Variants in IRS1 observed in about 807,000 individuals in gnomAD.
IRS1 encodes the protein insulin receptor substrate 1.
Under a neutral mutation model 65.6 loss-of-function variants are expected in IRS1, and 34 were observed. The ratio of observed to expected loss-of-function variants is 0.52; its 90% CI spans 0.39 to 0.69. The LOEUF is 0.69. IRS1 is among the 30% of genes least tolerant of loss of function. IRS1 has a pLI of 0.00. For synonymous variants in IRS1, 699 were observed against 683.5 expected (o/e 1.02, Z -0.35); for missense variants, 1,641 against 1,720.2 (o/e 0.95, Z 0.81).
At chr2:226,759,377 G>A (rs1320852896) in intron 1 of IRS1, among the ~76,000 whole-genome samples, 8 of 152,172 alleles carry the variant, frequency 5.3e-5, no homozygotes, top group Admixed American at 5.2e-4. Flanking sequence ...GGTCAAATAA[G>A]CTCTGGGTTC....
intron 1 of IRS1, among the ~76,000 whole-genome samples, chr2:226,768,584 C>T (rs1313545150): frequency 1.3e-5 from 2 of 152,104 alleles, no homozygotes; most frequent in Non-Finnish European, 2.9e-5. Context: ...CTTAGTAAAC[C>T]ACCCTGAACT....
At position 226,799,685 on chromosome 2, in the gene IRS1, A is replaced by T; in HGVS notation, c.-947T>A. The T allele has an allele frequency of 1.0e-6, 1 of 1,000,188 alleles. No homozygotes were observed. The highest frequency in any genetic ancestry group is 4.7e-5 in the South Asian group (1 of 21,374). 62.0% of individuals were successfully genotyped at this position (1,000,188 alleles called of 1,614,324 possible). A position where few individuals can be genotyped will look rare whatever the true frequency, so the allele number is the denominator to read the frequency against. On this transcript the variant is annotated 5_prime_UTR_variant, in exon 1 of 2. Transcript: ENST00000305123. This position sits in a 1 kb window ranked among gnomAD's most constrained non-coding sequence, Gnocchi z 6.1. ...TCCCTCCTCCTCCTCCTCCTCGGAGAGTTGCCGAGAGCCCCAACCAAAACA... is the reference window on the plus strand; with the variant it reads ...TCCCTCCTCCTCCTCCTCCTCGGAGTGTTGCCGAGAGCCCCAACCAAAACA...
chr2:226,746,174 G>A (rs1938539667), intron 1 of IRS1, among the ~76,000 whole-genome samples: 1 of 151,936 alleles, frequency 6.6e-6, no homozygotes, highest in South Asian at 2.1e-4. Flanking sequence ...GTCTGCTAAT[G>A]AAAGACTTCT....
chr2:226,779,695 C>A (rs111771238), intron 1 of IRS1, among the ~76,000 whole-genome samples: 3 of 152,184 alleles, frequency 2.0e-5, no homozygotes, highest in African/African-American at 7.2e-5. Context: ...TATAAAAGTT[C>A]TTGGATCCTA....
chr2:226,744,037 A>C (rs1938492124), intron 1 of IRS1, among the ~76,000 whole-genome samples: 1 of 152,154 alleles, frequency 6.6e-6, no homozygotes, highest in Non-Finnish European at 1.5e-5. Flanking sequence ...CTGTCTGACT[A>C]CCCAATTGTT....
At chr2:226,792,087 A>G (rs1939624001) in intron 1 of IRS1, 1 of 152,274 alleles carries the variant, frequency 6.6e-6, no homozygotes, top group African/African-American at 2.4e-5. Flanking sequence ...TGACATCACA[A>G]AAAAGGAAAC....
At chr2:226,766,433 G>C (rs1470412738) in intron 1 of IRS1, among the ~76,000 whole-genome samples, 1 of 151,322 alleles carries the variant, frequency 6.6e-6, no homozygotes, top group Non-Finnish European at 1.5e-5. Flanking sequence ...CAAAGTGCTG[G>C]GATGACAGCG....
In IRS1 at chr2:226,798,607, G is replaced by A. The variant is rs61734194; in HGVS notation, c.132C>T (p.Leu44=). 2,029 of 1,613,254 alleles carry A rather than the reference G, an allele frequency of 1.3e-3. 19 individuals carry two copies. In the African/African-American group the frequency reaches 0.018, roughly 15 times the overall value. ...ACTTCTTCTCGTTCTCGTAGTACTC[G>A]AGGCGCGCCGGGCCCCCAGCCTCGC... is the stretch of plus-strand genomic sequence containing the variant. The part of the protein sequence containing the change: ...AASEAGGPAR[L]EYYENEKKWR... The change falls in exon 1 of 2, where the codon CTC becomes CTT. Residue 44 remains leucine (L), a synonymous_variant. Transcript: ENST00000305123. The surrounding 1 kb of genome is among the most constrained non-coding windows in gnomAD (Gnocchi z 9.4).
intron 1 of IRS1, among the ~76,000 whole-genome samples, chr2:226,783,252 C>T (rs1230065271): frequency 6.6e-6 from 1 of 152,168 alleles, no homozygotes; most frequent in Non-Finnish European, 1.5e-5. Flanking sequence ...CTGCACTTGG[C>T]CCACAAAGCA....
At chr2:226,750,019 G>T (rs1314833875) in intron 1 of IRS1, among the ~76,000 whole-genome samples, 1 of 152,146 alleles carries the variant, frequency 6.6e-6, no homozygotes, top group East Asian at 1.9e-4. Context: ...GGAGGCCGAG[G>T]CGGGTGGATC....
At chr2:226,783,714 G>A (rs1224841448) in intron 1 of IRS1, among the ~76,000 whole-genome samples, 1 of 151,818 alleles carries the variant, frequency 6.6e-6, no homozygotes, top group African/African-American at 2.4e-5. Context: ...ACTGCATTTA[G>A]TATACTATGG....
rs116391115 is a variant in IRS1, at chr2:226,772,201, G to A, written c.*21+22788C>T. ...CCCCTATGTTCTAAGGGTGAAAGGGGCGTTGGTGGGATATAACTCAAACCA... is the reference window on the plus strand; with the variant it reads ...CCCCTATGTTCTAAGGGTGAAAGGGACGTTGGTGGGATATAACTCAAACCA... On this transcript the variant is annotated intron_variant, in intron 1 of 1. Coordinates refer to ENST00000305123, the MANE Select transcript of IRS1 (RefSeq NM_005544.3). Among the ~76,000 whole-genome samples the A allele has an allele frequency of 4.9e-3, 750 of 152,274 alleles. 5 individuals carry two copies. The highest frequency in any genetic ancestry group is 0.017 in the African/African-American group (695 of 41,572).
intron 1 of IRS1, among the ~76,000 whole-genome samples, chr2:226,786,813 A>T (rs1389591375): frequency 6.6e-6 from 1 of 151,664 alleles, no homozygotes; most frequent in Non-Finnish European, 1.5e-5. Context: ...CTTTTAAAAC[A>T]TGTTTCTGTA....
At chr2:226,742,025 A>G (rs1052253939) in intron 1 of IRS1, among the ~76,000 whole-genome samples, 2 of 152,172 alleles carry the variant, frequency 1.3e-5, no homozygotes, top group African/African-American at 4.8e-5. Flanking sequence ...TGGTTCTAGC[A>G]TTTGAGTTAG....
At chr2:226,792,379 C>A (rs3795924) in intron 1 of IRS1, 8,081 of 151,490 alleles carry the variant, frequency 0.053, 447 homozygotes, top group African/African-American at 0.14. Flanking sequence ...ACAAGTACTG[C>A]GAAATTCTGA....
At chr2:226,776,733 C>T (rs1342342403) in intron 1 of IRS1, among the ~76,000 whole-genome samples, 4 of 152,112 alleles carry the variant, frequency 2.6e-5, no homozygotes, top group Admixed American at 2.6e-4. Flanking sequence ...ATGGTGAAAC[C>T]CCGTCTCTAC....
chr2:226,740,287 C>T (rs1035942771), intron 1 of IRS1, among the ~76,000 whole-genome samples: 8 of 152,256 alleles, frequency 5.3e-5, no homozygotes, highest in South Asian at 4.1e-4. Context: ...TGTCCTTCTG[C>T]GTGTATATTC....
Position 226,799,054 on chromosome 2 carries a change from GGAGC to G in IRS1, c.-320_-317del, listed in dbSNP as rs1939831622. 1.4e-5 allele frequency: 19 copies of G among 1,335,752 alleles called. No homozygotes were observed. In the South Asian group the frequency reaches 3.0e-4, roughly 21 times the overall value. The allele number at this position is 1,335,752 out of a possible 1,614,324, so 82.7% of individuals were successfully genotyped here. A position where few individuals can be genotyped will look rare whatever the true frequency, so the allele number is the denominator to read the frequency against. ...TCTCAGCCGCCGCCGCCACCAGGAA[GGAGC>G]GAAGATGCATCTCTCGTCGCCCCGG... is the stretch of plus-strand genomic sequence containing the variant. On this transcript the variant is annotated 5_prime_UTR_variant, in exon 1 of 2. An upstream open reading frame in the 5' UTR loses its in-frame stop. Transcript: ENST00000305123. The surrounding 1 kb of genome is among the most constrained non-coding windows in gnomAD (Gnocchi z 6.1).
intron 1 of IRS1, among the ~76,000 whole-genome samples, chr2:226,788,911 C>T (rs983599301): frequency 1.3e-5 from 2 of 152,010 alleles, no homozygotes; most frequent in African/African-American, 4.8e-5. Flanking sequence ...AAATCAGTTA[C>T]ATAATTATAA....
Sources: allele counts gnomAD v4.1 joint callset (sites outside exome capture counted in the v4.1 genomes callset), GRCh38; gene constraint gnomAD v4.1.1; non-coding constraint Gnocchi (gnomAD v3.1); transcripts MANE v1.5; gene names NCBI Gene and HGNC (gene_info 2026-07-23, HGNC 2026-07-21).